The following PIK3R1 variants were observed in gnomAD, a reference collection of about 807,000 sequenced individuals.
PIK3R1 encodes the protein phosphoinositide-3-kinase regulatory subunit 1.
Under a neutral mutation model 98.0 loss-of-function variants are expected in PIK3R1, and 29 were observed. That is an observed-to-expected ratio of 0.30 (90% confidence interval 0.22 to 0.40). PIK3R1 has a LOEUF of 0.40. Among genes scored for constraint, PIK3R1 ranks in the 10% least tolerant of loss-of-function variants. PIK3R1 has a pLI of 1.00. For missense variants in PIK3R1, 596 were observed against 872.7 expected (o/e 0.68, Z 3.99); for synonymous variants, 282 against 311.8 (o/e 0.90, Z 1.01).
chr5:68,264,345 A>G (rs75335238), intron 2 of PIK3R1, among the ~76,000 whole-genome samples: 4,090 of 152,274 alleles, frequency 0.027, 88 homozygotes, highest in African/African-American at 0.05. Flanking sequence ...CACATATGGC[A>G]TCATGCAGTT....
chr5:68,256,638 A>G (rs557736854), intron 2 of PIK3R1, among the ~76,000 whole-genome samples: 1 of 152,332 alleles, frequency 6.6e-6, no homozygotes, highest in Non-Finnish European at 1.5e-5. Context: ...CAGTATGCAT[A>G]CATGGGTATC....
chr5:68,296,905 A>G (rs1747746433), intron 15 of PIK3R1, among the ~76,000 whole-genome samples: 1 of 152,232 alleles, frequency 6.6e-6, no homozygotes, highest in Non-Finnish European at 1.5e-5. Flanking sequence ...TGAGAGAAAT[A>G]GTCCTACAGC....
intron 2 of PIK3R1, among the ~76,000 whole-genome samples, chr5:68,262,388 A>T (rs1317276868): frequency 2.5e-5 from 3 of 118,754 alleles, no homozygotes; most frequent in South Asian, 2.5e-4. Flanking sequence ...TATAATTTTT[A>T]TATATATATA....
rs1441900790 is a variant in PIK3R1 at position 68,298,201 on chromosome 5, TCATAGAAAGTGC to T, written c.*603_*614del. Reference sequence around the variant, plus strand: ...TCATGTATGTTCAGAAGAAATTCTGTCATAGAAAGTGCCAGAAAGTGTTTAACTTGTCAAAAA... The same window carrying T: ...TCATGTATGTTCAGAAGAAATTCTGTCAGAAAGTGTTTAACTTGTCAAAAA... On this transcript the variant is annotated 3_prime_UTR_variant, in exon 16 of 16. Transcript: ENST00000521381. 5 of 232,446 alleles carry T rather than the reference TCATAGAAAGTGC, an allele frequency of 2.2e-5. No homozygotes were observed. The highest frequency in any genetic ancestry group is 6.6e-5 in the African/African-American group (3 of 45,256). 14.4% of individuals were successfully genotyped at this position (232,446 alleles called of 1,614,324 possible).
At chr5:68,240,012 C>G (rs925913603) in intron 2 of PIK3R1, 5 of 472,228 alleles carry the variant, frequency 1.1e-5, no homozygotes, top group African/African-American at 9.9e-5. Flanking sequence ...AAAATTTTAA[C>G]TTTCAGTGTA....
intron 7 of PIK3R1, chr5:68,288,828 T>C (rs1385396768): frequency 7.0e-7 from 1 of 1,434,822 alleles, no homozygotes; most frequent in Non-Finnish European, 9.8e-7. Context: ...TTGGAGTACG[T>C]GTGTGTGCGT....
chr5:68,262,998 TGTATACATATATAC>T (rs1241628026), intron 2 of PIK3R1, among the ~76,000 whole-genome samples: 13 of 71,954 alleles, frequency 1.8e-4, no homozygotes, highest in African/African-American at 7.7e-4. Context: ...TGTAGATACA[TGTATACATATATAC>T]ATGTAGATAC....
chr5:68,255,968 A>G (rs1745500012), intron 2 of PIK3R1, among the ~76,000 whole-genome samples: 2 of 152,228 alleles, frequency 1.3e-5, no homozygotes, highest in African/African-American at 4.8e-5. Context: ...TATTCTTTCT[A>G]CTGAAGCACC....
chr5:68,280,851 A>G, intron 6 of PIK3R1, 76 bp from the exon 7 acceptor site: 1 of 1,255,412 alleles, frequency 8.0e-7, no homozygotes, highest in Non-Finnish European at 1.2e-6. Context: ...TATCACACAC[A>G]TTCACTTGAG....
chr5:68,227,005 A>G lies in PIK3R1; in HGVS notation c.330A>G (p.Gln110=), dbSNP rs371843549. The change falls in exon 2 of 16, where the codon CAA becomes CAG. Residue 110 remains glutamine, a synonymous_variant. Coordinates refer to ENST00000521381, the MANE Select transcript of PIK3R1 (RefSeq NM_181523.3). The part of the protein sequence containing the change: ...GSSKTEADVE[Q]QALTLPDLAE... The stretch of plus-strand genomic sequence containing the variant: ...CGAAAACTGAAGCAGATGTTGAACA[A>G]CAAGGTCAGTATTGATAAGTGGTTG... 2.2e-5 allele frequency: 36 copies of G among 1,610,398 alleles called. No homozygotes were observed. The highest frequency in any genetic ancestry group is 3.1e-5 in the Non-Finnish European group (36 of 1,178,476).
At chr5:68,227,044 T>C (rs778647054) in intron 2 of PIK3R1, 35 bp downstream of exon 2, 26 of 1,524,168 alleles carry the variant, frequency 1.7e-5, no homozygotes, top group African/African-American at 2.8e-5. Flanking sequence ...AATGACTCCC[T>C]TTCTTTTTCT....
intron 2 of PIK3R1, among the ~76,000 whole-genome samples, chr5:68,257,134 GCTT>G (rs1330188253): frequency 1.3e-5 from 2 of 152,326 alleles, no homozygotes. Context: ...AAATCTTACT[GCTT>G]TTTTCCCTTC....
At chr5:68,275,631 A>C (rs1313611769) in intron 4 of PIK3R1, among the ~76,000 whole-genome samples, 1 of 152,156 alleles carries the variant, frequency 6.6e-6, no homozygotes, top group African/African-American at 2.4e-5. Flanking sequence ...AGATCAAAAC[A>C]CATAGAAAAC....
At chr5:68,233,064 C>T (rs1454785955) in intron 2 of PIK3R1, among the ~76,000 whole-genome samples, 3 of 152,126 alleles carry the variant, frequency 2.0e-5, no homozygotes, top group African/African-American at 7.2e-5. Context: ...AGAATTTCTT[C>T]TCTGAGTTAG....
At chr5:68,266,523 A>T (rs1746129210) in intron 2 of PIK3R1, among the ~76,000 whole-genome samples, 1 of 152,240 alleles carries the variant, frequency 6.6e-6, no homozygotes, top group South Asian at 2.1e-4. Flanking sequence ...TATTATCAAG[A>T]TCATTTAACT....
chr5:68,262,636 C>T (rs1227326790), intron 2 of PIK3R1, among the ~76,000 whole-genome samples: 3 of 139,984 alleles, frequency 2.1e-5, no homozygotes, highest in Non-Finnish European at 4.6e-5. Context: ...CATGTATACA[C>T]ATGTATACAC....
intron 7 of PIK3R1, chr5:68,288,401 G>A (rs1747172088): frequency 3.4e-6 from 4 of 1,187,740 alleles, no homozygotes; most frequent in Non-Finnish European, 4.2e-6. Flanking sequence ...GAGCGCCTGG[G>A]CTCCTTTCCT....
Position 68,288,829 on chromosome 5 carries a change from G to C in PIK3R1, c.917-3430G>C, listed in dbSNP as rs1247255578. Reference sequence around the variant, plus strand: ...TTCTGTAGTTTGTCTTGGAGTACGTGTGTGTGCGTGCGCCCCTGTAAGCGC... The same window carrying C: ...TTCTGTAGTTTGTCTTGGAGTACGTCTGTGTGCGTGCGCCCCTGTAAGCGC... On this transcript the variant is annotated intron_variant, in intron 7 of 15. Transcript: ENST00000521381. 4.9e-6 allele frequency: 7 copies of C among 1,437,820 alleles called. No individual in the cohort carries two copies. In the Admixed American group the frequency reaches 1.0e-4, roughly 21 times the overall value. The allele number at this position is 1,437,820 out of a possible 1,614,324, so 89.1% of individuals were successfully genotyped here.
At position 68,219,656 on chromosome 5, in the gene PIK3R1, C is replaced by A. The variant is rs999632428; in HGVS notation, c.-387+3707C>A. Among the ~76,000 whole-genome samples, 4 of 152,296 alleles carry A rather than the reference C, an allele frequency of 2.6e-5. No individual in the cohort carries two copies. The East Asian group carries it at 5.8e-4, about 22-fold the overall frequency. ...CTACATGGGCAAAGTCCACACTCAG[C>A]CTTTATCTATTTACTCCAAAAGGGG... is the stretch of plus-strand genomic sequence containing the variant. On this transcript the variant is annotated intron_variant, in intron 1 of 15. Coordinates refer to ENST00000521381, the MANE Select transcript of PIK3R1 (RefSeq NM_181523.3).
Sources: gnomAD v4.1 joint callset for allele counts (sites outside exome capture counted in the v4.1 genomes callset) on GRCh38, gnomAD v4.1.1 for gene constraint, MANE v1.5 for transcripts, NCBI Gene and HGNC (gene_info 2026-07-23, HGNC 2026-07-21) for gene names.